The following NRIP1 variants were observed in gnomAD, a reference collection of about 807,000 sequenced individuals.
NRIP1 encodes nuclear receptor interacting protein 1, also known as nuclear receptor-interacting protein 1.
In NRIP1, 28 loss-of-function variants were observed where a neutral mutation model predicts 75.0. That is an observed-to-expected ratio of 0.37 (90% CI 0.28 to 0.51). The LOEUF is 0.51. Among genes scored for constraint, NRIP1 ranks in the 20% least tolerant of loss-of-function variants. NRIP1 has a pLI of 0.92. For synonymous variants in NRIP1, 526 were observed against 487.6 expected, an observed-to-expected ratio of 1.08 and a Z score of -1.04; for missense variants, 1,435 against 1,343.7, an observed-to-expected ratio of 1.07 and a Z score of -1.06.
chr21:15,010,476 A>C (rs1454760859), intron 3 of NRIP1, among the ~76,000 whole-genome samples: 1 of 152,134 alleles, frequency 6.6e-6, no homozygotes, highest in African/African-American at 2.4e-5. Context: ...TCTAGTAGGG[A>C]TCTTCCTCCC....
intron 2 of NRIP1, among the ~76,000 whole-genome samples, chr21:15,021,881 G>C (rs2088385286): frequency 6.6e-6 from 1 of 152,104 alleles, no homozygotes; most frequent in Non-Finnish European, 1.5e-5. Flanking sequence ...TTATTAAAGA[G>C]TCAGAAAACA....
chr21:15,003,251 C>T (rs926292740), intron 3 of NRIP1, among the ~76,000 whole-genome samples: 2 of 151,994 alleles, frequency 1.3e-5, no homozygotes, highest in Non-Finnish European at 2.9e-5. Context: ...GCAAACTAGG[C>T]AAAAATTAAG....
At chr21:15,057,803 T>C (rs1026288132) in intron 1 of NRIP1, among the ~76,000 whole-genome samples, 7 of 152,296 alleles carry the variant, frequency 4.6e-5, no homozygotes, top group South Asian at 2.1e-4. Context: ...GAGAAAATGA[T>C]ACCTACATGT....
chr21:14,976,594 C>T (rs1206348517), intron 3 of NRIP1, among the ~76,000 whole-genome samples: 1 of 152,110 alleles, frequency 6.6e-6, no homozygotes, highest in Non-Finnish European at 1.5e-5. Context: ...AAACTATTTT[C>T]ATTGCAATAT....
Position 15,060,260 on chromosome 21 carries a change from A to C in NRIP1, c.-538+4485T>G, listed in dbSNP as rs148667778. 6.6e-5 allele frequency among the ~76,000 whole-genome samples: 10 copies of C among 152,276 alleles called. No homozygotes were observed. The South Asian group carries it at 8.3e-4, about 13-fold the overall frequency. On this transcript the variant is annotated intron_variant, in intron 1 of 3. Transcript: ENST00000318948. ...TTTTAAATAAACTCCAACCTTCAGA[A>C]TCCTATACATTCAGTATCCATCAAC...
chr21:14,982,265 T>C (rs1435866761), intron 3 of NRIP1, among the ~76,000 whole-genome samples: 2 of 152,198 alleles, frequency 1.3e-5, no homozygotes, highest in African/African-American at 4.8e-5. Flanking sequence ...TTATATAAAA[T>C]ATATAATTTG....
chr21:15,013,894 G>A (rs767443241), intron 3 of NRIP1, among the ~76,000 whole-genome samples: 2 of 152,078 alleles, frequency 1.3e-5, no homozygotes, highest in Non-Finnish European at 2.9e-5. Flanking sequence ...TCCTCAAAAC[G>A]GTAATTAACT....
At chr21:14,977,532 G>A (rs928658806) in intron 3 of NRIP1, among the ~76,000 whole-genome samples, 8 of 152,018 alleles carry the variant, frequency 5.3e-5, no homozygotes, top group African/African-American at 9.6e-5. Context: ...TATGGGTCCC[G>A]AAGTTTCATT....
chr21:15,063,351 AACCGAC>A (rs1221847594), intron 1 of NRIP1, among the ~76,000 whole-genome samples: 1 of 152,238 alleles, frequency 6.6e-6, no homozygotes, highest in Non-Finnish European at 1.5e-5. Context: ...TCCAGGCGGC[AACCGAC>A]ACTTAGGGGC....
intron 3 of NRIP1, among the ~76,000 whole-genome samples, chr21:14,996,346 G>T (rs2087723648): frequency 6.6e-6 from 1 of 152,074 alleles, no homozygotes; most frequent in Non-Finnish European, 1.5e-5. Context: ...GACTTCTCTG[G>T]ATCCCAGAAC....
In NRIP1 at chr21:14,997,733, A is replaced by G. The variant is rs541916287; in HGVS notation, c.-335+16611T>C. On this transcript the variant is annotated intron_variant, in intron 3 of 3. Transcript: ENST00000318948. The stretch of plus-strand genomic sequence containing the variant: ...TTTATATTTATATATATACACATAA[A>G]TATATTTATATATACAATTTATATA... 8.1e-5 allele frequency among the ~76,000 whole-genome samples: 12 copies of G among 148,832 alleles called. No individual in the cohort carries two copies. In the East Asian group the frequency reaches 2.3e-3, roughly 29 times the overall value.
At chr21:15,038,644 T>C (rs1483304602) in intron 2 of NRIP1, among the ~76,000 whole-genome samples, 3 of 152,104 alleles carry the variant, frequency 2.0e-5, no homozygotes, top group African/African-American at 7.2e-5. Flanking sequence ...GGGATGTGTA[T>C]GTCAGTTTGA....
chr21:15,003,725 C>T lies in NRIP1; in HGVS notation c.-335+10619G>A, dbSNP rs192269074. Among the ~76,000 whole-genome samples, 14 of 152,288 alleles carry T rather than the reference C, an allele frequency of 9.2e-5. No individual in the cohort carries two copies. In the East Asian group the frequency reaches 2.7e-3, roughly 29 times the overall value. The stretch of plus-strand genomic sequence containing the variant: ...AATGCCCAATTAGGCAGCTGTCACA[C>T]AAAGCATAGGCTGCAAAATTATCCC... On this transcript the variant is annotated intron_variant, in intron 3 of 3. Transcript: ENST00000318948.
intron 1 of NRIP1, 80 bp downstream of exon 1, chr21:15,064,665 A>C (rs1335771679): frequency 6.6e-6 from 1 of 150,440 alleles, no homozygotes; most frequent in African/African-American, 2.4e-5. Context: ...GCGAGAGCCG[A>C]CGCGGGCCGC....
chr21:15,004,946 T>C (rs1410120841), intron 3 of NRIP1, among the ~76,000 whole-genome samples: 1 of 152,178 alleles, frequency 6.6e-6, no homozygotes, highest in Non-Finnish European at 1.5e-5. Context: ...AGTGTGTAAC[T>C]CCTAGTTCCT....
chr21:15,058,571 C>G (rs1006003284), intron 1 of NRIP1, among the ~76,000 whole-genome samples: 3 of 152,150 alleles, frequency 2.0e-5, no homozygotes, highest in African/African-American at 7.2e-5. Flanking sequence ...CTCTCAACTT[C>G]TAGATAGATT....
At chr21:15,007,703 C>T (rs1394331097) in intron 3 of NRIP1, among the ~76,000 whole-genome samples, 2 of 152,052 alleles carry the variant, frequency 1.3e-5, no homozygotes, top group African/African-American at 2.4e-5. Flanking sequence ...CAGAGATGTC[C>T]GACTTAAATT....
intron 2 of NRIP1, among the ~76,000 whole-genome samples, chr21:15,038,238 T>C (rs924729113): frequency 2.6e-5 from 4 of 152,112 alleles, no homozygotes; most frequent in African/African-American, 9.7e-5. Flanking sequence ...ATACCATAAC[T>C]TGGTATGTCT....
chr21:15,022,196 G>T (rs922712596), intron 2 of NRIP1, among the ~76,000 whole-genome samples: 2 of 152,188 alleles, frequency 1.3e-5, no homozygotes, highest in Non-Finnish European at 2.9e-5. Context: ...ATATACCATG[G>T]AATACTATGC....
Sources: gnomAD v4.1 joint callset for allele counts (sites outside exome capture counted in the v4.1 genomes callset) on GRCh38, gnomAD v4.1.1 for gene constraint, MANE v1.5 for transcripts, NCBI Gene and HGNC (gene_info 2026-07-23, HGNC 2026-07-21) for gene names.